PTPRS: variants seen among roughly 807,000 people sequenced by gnomAD.
PTPRS encodes receptor-type tyrosine-protein phosphatase S.
Under a neutral mutation model 215.3 loss-of-function variants are expected in PTPRS, and 63 were observed. The ratio of observed to expected loss-of-function variants is 0.29; its 90% confidence interval spans 0.24 to 0.36. The LOEUF is 0.36. PTPRS is among the 10% of genes least tolerant of loss of function. PTPRS has a pLI of 1.00. For synonymous variants in PTPRS, 1,404 were observed against 1,191.4 expected (o/e 1.18, Z -3.68); for missense variants, 2,258 against 2,825.8 (o/e 0.80, Z 4.56).
At chr19:5,327,674 C>T (rs966390795) in intron 1 of PTPRS, among the ~76,000 whole-genome samples, 1 of 152,150 alleles carries the variant, frequency 6.6e-6, no homozygotes, top group African/African-American at 2.4e-5. Context: ...GATCATAGCT[C>T]ACTGCAGCCT....
intron 1 of PTPRS, among the ~76,000 whole-genome samples, chr19:5,332,149 CAG>C (rs970403362): frequency 1.7e-4 from 25 of 149,990 alleles, no homozygotes; most frequent in African/African-American, 5.9e-4. Flanking sequence ...TTTTTTTAGA[CAG>C]AGTCTCACTC....
At chr19:5,331,550 T>C (rs1262864421) in intron 1 of PTPRS, among the ~76,000 whole-genome samples, 1 of 152,062 alleles carries the variant, frequency 6.6e-6, no homozygotes, top group Non-Finnish European at 1.5e-5. Context: ...ACCTACTCCA[T>C]ACCAGCAGCA....
In PTPRS at chr19:5,245,894, G is replaced by A. The variant is rs538910855; in HGVS notation, c.870C>T (p.Asp290=). 3.2e-5 allele frequency: 51 copies of A among 1,614,056 alleles called. 4 individuals are homozygous for A. The highest frequency in any genetic ancestry group is 2.0e-4 in the South Asian group (18 of 91,056). Residue 290 remains aspartate (D), a synonymous_variant, in exon 10 of 38, where the codon GAC becomes GAT. Coordinates refer to ENST00000262963, the MANE Select transcript of PTPRS (RefSeq NM_002850.4). ...QGAEDLTPED[D]MPVGRNVLEL... Reference sequence around the variant, plus strand: ...CCAGCACGTTCCGACCCACGGGCATGTCATCCTCGGGGGTCAGGTCCTCGG... The same window carrying A: ...CCAGCACGTTCCGACCCACGGGCATATCATCCTCGGGGGTCAGGTCCTCGG...
chr19:5,266,835 C>T (rs949219902), intron 4 of PTPRS, among the ~76,000 whole-genome samples: 1 of 152,120 alleles, frequency 6.6e-6, no homozygotes, highest in Non-Finnish European at 1.5e-5. Flanking sequence ...GTCATCAAGC[C>T]CCCTCCCTCG....
At chr19:5,267,677 A>G (rs562225758) in intron 4 of PTPRS, among the ~76,000 whole-genome samples, 3 of 148,544 alleles carry the variant, frequency 2.0e-5, no homozygotes, top group Admixed American at 2.0e-4. Context: ...AAAAGAGATT[A>G]GGAAACAGCC....
chr19:5,294,618 A>G lies in PTPRS; in HGVS notation c.-94-8384T>C, dbSNP rs1164427823. The G allele has an allele frequency of 6.6e-6, 1 of 152,118 alleles. No homozygotes were observed. The highest frequency in any genetic ancestry group is 1.5e-5 in the Non-Finnish European group (1 of 68,018). The allele number at this position is 152,118 out of a possible 1,614,324, so 9.4% of individuals were successfully genotyped here. Reference sequence around the variant, plus strand: ...GTCCATGCCCTCCCACTGCTACCTCAGTGGCTGGCTCCCATCTCCTTCAAA... The same window carrying G: ...GTCCATGCCCTCCCACTGCTACCTCGGTGGCTGGCTCCCATCTCCTTCAAA... On this transcript the variant is annotated intron_variant, in intron 1 of 37. Transcript: ENST00000262963. The surrounding 1 kb of genome is among the most constrained non-coding windows in gnomAD (Gnocchi z 5.1).
chr19:5,280,787 C>CTTTTTTTT (rs145181333), intron 2 of PTPRS, among the ~76,000 whole-genome samples: 1 of 143,920 alleles, frequency 6.9e-6, no homozygotes, highest in Non-Finnish European at 1.6e-5. Context: ...CCTCCCTTAA[C>CTTTTTTTT]TTTTTTTTTT....
rs929193705 is a variant in PTPRS, at chr19:5,228,238, G to A, written c.2376+1078C>T. On this transcript the variant is annotated intron_variant, in intron 16 of 37. Transcript: ENST00000262963. ...CTCATGCCTGTAATCCCAGCCACTC[G>A]GGAGGCTGAGACAGGAGAATTGTTT... Among the ~76,000 whole-genome samples the A allele has an allele frequency of 5.3e-5, 8 of 150,816 alleles. No homozygotes were observed. In the East Asian group the frequency reaches 1.2e-3, roughly 23 times the overall value.
intron 1 of PTPRS, among the ~76,000 whole-genome samples, chr19:5,314,314 C>G (rs2049804554): frequency 6.6e-6 from 1 of 152,174 alleles, no homozygotes; most frequent in African/African-American, 2.4e-5. Context: ...ACTTTGGATT[C>G]AAAGCAACCC....
intron 1 of PTPRS, among the ~76,000 whole-genome samples, chr19:5,336,912 T>C (rs1600158134): frequency 6.6e-6 from 1 of 152,196 alleles, no homozygotes; most frequent in South Asian, 2.1e-4. Flanking sequence ...AGAAGGGTTC[T>C]CATCCTCCTT....
intron 1 of PTPRS, among the ~76,000 whole-genome samples, chr19:5,316,515 T>C (rs1305529149): frequency 1.3e-5 from 2 of 152,108 alleles, no homozygotes; most frequent in Non-Finnish European, 2.9e-5. Context: ...GCCTGAGCCT[T>C]CCAAGTAGTT....
chr19:5,264,324 G>A (rs1335873626), intron 5 of PTPRS, among the ~76,000 whole-genome samples: 1 of 152,138 alleles, frequency 6.6e-6, no homozygotes, highest in South Asian at 2.1e-4. Flanking sequence ...CGTGCCTAAT[G>A]CTTCTGTAGA....
chr19:5,314,788 G>A (rs1057463739), intron 1 of PTPRS, among the ~76,000 whole-genome samples: 8 of 150,918 alleles, frequency 5.3e-5, no homozygotes, highest in South Asian at 2.1e-4. Flanking sequence ...CTGAAGATTC[G>A]AGACATCACA....
chr19:5,320,069 G>A (rs182546276), intron 1 of PTPRS, among the ~76,000 whole-genome samples: 3 of 152,292 alleles, frequency 2.0e-5, no homozygotes, highest in Admixed American at 6.5e-5. Flanking sequence ...GCGCAAAATC[G>A]GAGGCAGTGG....
chr19:5,278,982 T>C (rs919394564), intron 2 of PTPRS, among the ~76,000 whole-genome samples: 2 of 150,440 alleles, frequency 1.3e-5, no homozygotes, highest in Non-Finnish European at 3.0e-5. Flanking sequence ...GATCAGGAGT[T>C]TGAGGCCCGC....
At chr19:5,337,156 G>C (rs897423624) in intron 1 of PTPRS, among the ~76,000 whole-genome samples, 6 of 152,180 alleles carry the variant, frequency 3.9e-5, no homozygotes, top group African/African-American at 1.2e-4. Flanking sequence ...TGGGTAGCAG[G>C]GGGAAGGAAT....
rs1283154839 is a variant in PTPRS, at chr19:5,291,899, G to A, written c.-94-5665C>T. On this transcript the variant is annotated intron_variant, in intron 1 of 37. Transcript: ENST00000262963. ...CAACCCCCCATGCCAGGCTTCCCTT[G>A]ACACCTTGATCCCCCCCACTTGTGG... is the stretch of plus-strand genomic sequence containing the variant. 6.6e-5 allele frequency among the ~76,000 whole-genome samples: 10 copies of A among 151,378 alleles called. 1 individual carries two copies. Among genetic ancestry groups the A allele is most frequent in the African/African-American group, 2.4e-4 (10 of 41,112 alleles).
rs2048980468 is a variant in PTPRS, at chr19:5,293,138, C to T, written c.-94-6904G>A. 6.6e-6 allele frequency: 1 copy of T among 151,766 alleles called. No individual in the cohort carries two copies. The highest frequency in any genetic ancestry group is 6.5e-5 in the Admixed American group (1 of 15,280). The allele number at this position is 151,766 out of a possible 1,614,324, so 9.4% of individuals were successfully genotyped here. On this transcript the variant is annotated intron_variant, in intron 1 of 37. Transcript: ENST00000262963. This position sits in a 1 kb window ranked among gnomAD's most constrained non-coding sequence, Gnocchi z 8.4. ...GGTGGAAGGGGGTCCCGGGCGCACT[C>T]ACCCCGCGGCTCGGAGATCGGGCCC... is the stretch of plus-strand genomic sequence containing the variant.
intron 1 of PTPRS, among the ~76,000 whole-genome samples, chr19:5,315,344 G>C (rs996861442): frequency 2.2e-5 from 2 of 90,798 alleles, no homozygotes; most frequent in African/African-American, 7.8e-5. Context: ...ATTTTTATTT[G>C]AAAAGGGTTT....
Sources: allele counts gnomAD v4.1 joint callset (sites outside exome capture counted in the v4.1 genomes callset), GRCh38; gene constraint gnomAD v4.1.1; non-coding constraint Gnocchi (gnomAD v3.1); transcripts MANE v1.5; gene names NCBI Gene and HGNC (gene_info 2026-07-23, HGNC 2026-07-21).